GALNT13: variants seen among roughly 807,000 people sequenced by gnomAD.
GALNT13 encodes polypeptide N-acetylgalactosaminyltransferase 13.
GALNT13 carries 28 observed loss-of-function variants against 64.2 expected under a neutral mutation model. That is an observed-to-expected ratio of 0.44 (90% CI 0.32 to 0.60). The LOEUF is 0.60. Among genes scored for constraint, GALNT13 ranks in the 20% least tolerant of loss-of-function variants. The pLI is 0.05. For synonymous variants in GALNT13, 214 were observed against 224.6 expected (o/e 0.95, Z 0.42); for missense variants, 577 against 669.8 (o/e 0.86, Z 1.53).
intron 9 of GALNT13, among the ~76,000 whole-genome samples, chr2:154,391,512 G>T (rs1421097424): frequency 6.6e-6 from 1 of 152,142 alleles, no homozygotes; most frequent in Non-Finnish European, 1.5e-5. Flanking sequence ...GGAACTGGAA[G>T]AGTGGGGAAG....
At chr2:153,571,156 T>C in the GALNT13 span, among the ~76,000 whole-genome samples, 1 of 152,014 alleles carries the variant, frequency 6.6e-6, no homozygotes, top group African/African-American at 2.4e-5. Context: ...ACAGTTTTAA[T>C]TGTAGAGGTC....
intron 8 of GALNT13, among the ~76,000 whole-genome samples, chr2:154,261,610 C>T (rs1690699971): frequency 6.6e-6 from 1 of 152,128 alleles, no homozygotes; most frequent in Non-Finnish European, 1.5e-5. Flanking sequence ...AATCATTACA[C>T]AACAAACATA....
At chr2:154,242,556 T>C in intron 5 of GALNT13, 142 bp from the exon 6 acceptor site, 1 of 613,464 alleles carries the variant, frequency 1.6e-6, no homozygotes, top group Non-Finnish European at 2.9e-6. Flanking sequence ...ATGAAATCTC[T>C]ATTATTTTAT....
At chr2:153,587,313 G>A in the GALNT13 span, among the ~76,000 whole-genome samples, 1 of 151,402 alleles carries the variant, frequency 6.6e-6, no homozygotes, top group African/African-American at 2.4e-5. Context: ...CTTGGATATA[G>A]CAAAAGCAGT....
At chr2:154,185,484 C>T (rs1381694242) in intron 4 of GALNT13, among the ~76,000 whole-genome samples, 1 of 151,834 alleles carries the variant, frequency 6.6e-6, no homozygotes, top group African/African-American at 2.4e-5. Context: ...TCATAGTATA[C>T]ATATTAATTC....
the GALNT13 span, among the ~76,000 whole-genome samples, chr2:153,554,801 A>C: frequency 3.3e-5 from 5 of 152,118 alleles, no homozygotes; most frequent in African/African-American, 1.2e-4. Context: ...TGCCTAATTT[A>C]AGTCGGATCC....
chr2:154,105,990 C>T (rs1702593717), intron 3 of GALNT13, among the ~76,000 whole-genome samples: 1 of 152,084 alleles, frequency 6.6e-6, no homozygotes, highest in Non-Finnish European at 1.5e-5. Context: ...CTAAGAGAAA[C>T]TAAAGAGACT....
At chr2:153,499,510 T>C in the GALNT13 span, among the ~76,000 whole-genome samples, 1 of 152,110 alleles carries the variant, frequency 6.6e-6, no homozygotes, top group South Asian at 2.1e-4. Context: ...GACCTGCCCC[T>C]TTCCACCCAG....
chr2:154,019,675 G>A (rs889894447), intron 3 of GALNT13, among the ~76,000 whole-genome samples: 1 of 137,502 alleles, frequency 7.3e-6, no homozygotes, highest in Non-Finnish European at 1.5e-5. Flanking sequence ...AAATGCACAT[G>A]TTTAAATGAT....
At chr2:154,407,974 G>A (rs1368501623) in intron 10 of GALNT13, among the ~76,000 whole-genome samples, 1 of 152,080 alleles carries the variant, frequency 6.6e-6, no homozygotes, top group African/African-American at 2.4e-5. Flanking sequence ...TAGCCAATGT[G>A]AGGAAACATG....
intron 9 of GALNT13, among the ~76,000 whole-genome samples, chr2:154,376,456 A>G (rs1697999567): frequency 6.6e-6 from 1 of 152,164 alleles, no homozygotes; most frequent in Non-Finnish European, 1.5e-5. Flanking sequence ...TTTTTCCAGC[A>G]GATAGATTTT....
At chr2:153,438,482 T>C in the GALNT13 span, among the ~76,000 whole-genome samples, 3 of 152,340 alleles carry the variant, frequency 2.0e-5, no homozygotes, top group East Asian at 5.8e-4. Flanking sequence ...GTAGATTTGG[T>C]CTTTTCACAT....
At chr2:153,207,712 A>G in the GALNT13 span, among the ~76,000 whole-genome samples, 1 of 152,156 alleles carries the variant, frequency 6.6e-6, no homozygotes, top group East Asian at 1.9e-4. Context: ...ATATTAGCTT[A>G]AACTCTTGAG....
At chr2:154,044,771 C>A in intron 3 of GALNT13, among the ~76,000 whole-genome samples, 1 of 152,196 alleles carries the variant, frequency 6.6e-6, no homozygotes, top group Middle Eastern at 3.4e-3. Flanking sequence ...TAAGGGGAAC[C>A]CTGGGCCAAC....
chr2:153,212,279 T>C, the GALNT13 span, among the ~76,000 whole-genome samples: 1 of 152,190 alleles, frequency 6.6e-6, no homozygotes, highest in East Asian at 1.9e-4. Context: ...AGATGAACAA[T>C]AGTAAAATCC....
At chr2:153,762,885 T>C in the GALNT13 span, among the ~76,000 whole-genome samples, 1 of 151,598 alleles carries the variant, frequency 6.6e-6, no homozygotes, top group Non-Finnish European at 1.5e-5. Context: ...ATTGTTTATA[T>C]TTATATTTTA....
At chr2:154,444,919 A>G (rs1701489273) in intron 12 of GALNT13, among the ~76,000 whole-genome samples, 1 of 152,022 alleles carries the variant, frequency 6.6e-6, no homozygotes, top group Non-Finnish European at 1.5e-5. Flanking sequence ...TGATAGAAAA[A>G]ATGCCCACAA....
At chr2:153,127,930 G>A in the GALNT13 span, among the ~76,000 whole-genome samples, 1 of 152,104 alleles carries the variant, frequency 6.6e-6, no homozygotes. Flanking sequence ...ATGCCATACT[G>A]TGTTCAATAC....
At position 154,450,397 on chromosome 2, in the gene GALNT13, G is replaced by A. The variant is rs1701828581; in HGVS notation, c.1531-14G>A. ...ACGAAATAAGCTGCACTGATTATTG[G>A]TTATCTTTTACAGAGACTCACGTTG... On this transcript the variant is annotated splice_polypyrimidine_tract_variant and intron_variant, in intron 12 of 12. Transcript: ENST00000392825. The A allele has an allele frequency of 6.2e-7, 1 of 1,602,768 alleles. No individual in the cohort carries two copies. Among genetic ancestry groups the A allele is most frequent in the Non-Finnish European group, 8.5e-7 (1 of 1,175,280 alleles).
Sources: allele counts gnomAD v4.1 joint callset (sites outside exome capture counted in the v4.1 genomes callset), GRCh38; gene constraint gnomAD v4.1.1; transcripts MANE v1.5; gene names NCBI Gene and HGNC (gene_info 2026-07-23, HGNC 2026-07-21).